Variants in GLCE observed in about 807,000 individuals in gnomAD.
GLCE encodes the protein glucuronic acid epimerase, also known as D-glucuronyl C5-epimerase.
A neutral mutation model predicts 47.9 loss-of-function variants in GLCE; 19 were observed. The observed-to-expected ratio is 0.40, with a 90% CI of 0.28 to 0.58. The LOEUF (loss-of-function observed/expected upper bound fraction) is 0.58. GLCE is among the 20% of genes least tolerant of loss of function. The pLI, the probability that GLCE is intolerant of heterozygous loss-of-function variation, is 0.48. For missense variants in GLCE, 556 were observed against 743.3 expected (o/e 0.75, Z 2.93); for synonymous variants, 245 against 263.4 (o/e 0.93, Z 0.68).
chr15:69,213,316 A>C (rs1004800956), intron 2 of GLCE, among the ~76,000 whole-genome samples: 1 of 152,038 alleles, frequency 6.6e-6, no homozygotes, highest in Non-Finnish European at 1.5e-5. Context: ...TATTACATTT[A>C]GTTGTGTTTT....
intron 2 of GLCE, among the ~76,000 whole-genome samples, chr15:69,253,261 C>T (rs887951311): frequency 1.3e-5 from 2 of 152,176 alleles, no homozygotes; most frequent in Non-Finnish European, 2.9e-5. Flanking sequence ...GTGCTGTGTT[C>T]GTGTAACAAA....
chr15:69,271,007 C>T lies in GLCE; in HGVS notation c.*1763C>T, dbSNP rs996808449. 1 of 152,374 alleles carries T rather than the reference C, an allele frequency of 6.6e-6. No homozygotes were observed. Among genetic ancestry groups the T allele is most frequent in the Non-Finnish European group, 1.5e-5 (1 of 68,014 alleles). 9.4% of individuals were successfully genotyped at this position (152,374 alleles called of 1,614,324 possible). On this transcript the variant is annotated 3_prime_UTR_variant, in exon 5 of 5. Transcript: ENST00000261858. ...AAATAAACTTTCTCCAGTCTGGGAA[C>T]CTTTTTTACTTCCCCATATTTGTTA...
At chr15:69,251,805 G>C (rs2052848420) in intron 2 of GLCE, among the ~76,000 whole-genome samples, 2 of 152,180 alleles carry the variant, frequency 1.3e-5, no homozygotes, top group Admixed American at 1.3e-4. Flanking sequence ...TAATAGGAAA[G>C]AGGACCTTTT....
intron 1 of GLCE, among the ~76,000 whole-genome samples, chr15:69,205,552 G>T (rs1343913644): frequency 1.3e-5 from 2 of 152,034 alleles, no homozygotes; most frequent in Non-Finnish European, 2.9e-5. Context: ...AATATTTATT[G>T]TCAAGAAATT....
intron 1 of GLCE, among the ~76,000 whole-genome samples, chr15:69,206,361 C>T (rs1202629977): frequency 3.3e-5 from 5 of 151,848 alleles, no homozygotes; most frequent in East Asian, 1.9e-4. Context: ...ACTGTAAAGT[C>T]GATATTTTTG....
intron 3 of GLCE, among the ~76,000 whole-genome samples, chr15:69,259,179 C>A (rs867236373): frequency 6.6e-6 from 1 of 152,138 alleles, no homozygotes; most frequent in South Asian, 2.1e-4. Context: ...GCCGTATTTT[C>A]ATGTTCTTTA....
intron 2 of GLCE, among the ~76,000 whole-genome samples, chr15:69,253,137 C>T (rs1226805401): frequency 6.6e-6 from 1 of 152,220 alleles, no homozygotes; most frequent in Non-Finnish European, 1.5e-5. Context: ...CTTCTCCCCT[C>T]CTCATACCTC....
At chr15:69,178,577 GTTTATT>G (rs2051706310) in intron 1 of GLCE, among the ~76,000 whole-genome samples, 1 of 152,028 alleles carries the variant, frequency 6.6e-6, no homozygotes, top group South Asian at 2.1e-4. Context: ...CTCTATGGAA[GTTTATT>G]TTTATTATTA....
In GLCE at chr15:69,244,372, A is replaced by T. The variant is rs2052718257; in HGVS notation, c.-13-11422A>T. Among the ~76,000 whole-genome samples, 3 of 152,214 alleles carry T rather than the reference A, an allele frequency of 2.0e-5. No homozygotes were observed. In the South Asian group the frequency reaches 6.2e-4, roughly 31 times the overall value. On this transcript the variant is annotated intron_variant, in intron 2 of 4. Coordinates refer to ENST00000261858, the MANE Select transcript of GLCE (RefSeq NM_015554.3). ...TAGCTTCATTCAGAAATGCTAATACATTTTTAGAACAACTAGATAACTTTT... is the reference window on the plus strand; with the variant it reads ...TAGCTTCATTCAGAAATGCTAATACTTTTTTAGAACAACTAGATAACTTTT...
At chr15:69,241,143 A>G (rs2052666424) in intron 2 of GLCE, among the ~76,000 whole-genome samples, 1 of 152,214 alleles carries the variant, frequency 6.6e-6, no homozygotes, top group South Asian at 2.1e-4. Flanking sequence ...AGTTGTTCAC[A>G]AGGAAAGAAA....
intron 2 of GLCE, among the ~76,000 whole-genome samples, chr15:69,217,571 A>G (rs1353104964): frequency 6.6e-6 from 1 of 152,126 alleles, no homozygotes; most frequent in East Asian, 1.9e-4. Flanking sequence ...ATGCTTTAGA[A>G]CCTGAAACAT....
intron 2 of GLCE, among the ~76,000 whole-genome samples, chr15:69,231,068 A>G (rs1017710422): frequency 2.6e-5 from 4 of 152,224 alleles, no homozygotes; most frequent in Non-Finnish European, 5.9e-5. Context: ...AAGACCATGA[A>G]AGTAAAGTTT....
At position 69,255,950 on chromosome 15, in the gene GLCE, A is replaced by G. The variant is rs1259542169; in HGVS notation, c.144A>G (p.Arg48=). ...QFPRRSSSGF[R]VDGFEKRAAA... ...CACGGCGTTCGAGTAGTGGCTTCAG[A>G]GTGGATGGGTTTGAAAAAAGAGCAG... The change falls in exon 3 of 5, where the codon AGA becomes AGG. Residue 48 remains arginine, a synonymous_variant. Transcript: ENST00000261858. 3.1e-6 allele frequency: 5 copies of G among 1,613,874 alleles called. No individual in the cohort carries two copies. The African/African-American group carries it at 4.0e-5, about 13-fold the overall frequency.
chr15:69,226,204 C>A (rs2052445307), intron 2 of GLCE, among the ~76,000 whole-genome samples: 1 of 152,274 alleles, frequency 6.6e-6, no homozygotes, highest in East Asian at 1.9e-4. Context: ...GTATTTGACA[C>A]AAATATTACT....
intron 2 of GLCE, among the ~76,000 whole-genome samples, chr15:69,216,690 G>A (rs906328410): frequency 6.6e-6 from 1 of 152,070 alleles, no homozygotes; most frequent in African/African-American, 2.4e-5. Flanking sequence ...CTGCTGTATA[G>A]TTCTTGCCCT....
Position 69,249,378 on chromosome 15 carries a change from G to A in GLCE, c.-13-6416G>A, listed in dbSNP as rs529719180. Among the ~76,000 whole-genome samples the A allele has an allele frequency of 2.0e-5, 3 of 151,924 alleles. No individual in the cohort carries two copies. The South Asian group carries it at 6.2e-4, about 32-fold the overall frequency. On this transcript the variant is annotated intron_variant, in intron 2 of 4. Transcript: ENST00000261858. Reference sequence around the variant, plus strand: ...TAGCATTATTATTTTTTCTGCCTGCGAATCTGTCCTTTAGAGACATGGATA... The same window carrying A: ...TAGCATTATTATTTTTTCTGCCTGCAAATCTGTCCTTTAGAGACATGGATA...
chr15:69,223,215 A>G (rs1157774035), intron 2 of GLCE, among the ~76,000 whole-genome samples: 1 of 152,148 alleles, frequency 6.6e-6, no homozygotes, highest in Non-Finnish European at 1.5e-5. Context: ...ATAGGTTTCC[A>G]TTGATCATTT....
Position 69,270,083 on chromosome 15 carries a change from G to C in GLCE, c.*839G>C, listed in dbSNP as rs2053144859. 1 of 152,474 alleles carries C rather than the reference G, an allele frequency of 6.6e-6. No individual in the cohort carries two copies. Among genetic ancestry groups the C allele is most frequent in the South Asian group, 2.1e-4 (1 of 4,820 alleles). The allele number at this position is 152,474 out of a possible 1,614,324, so 9.4% of individuals were successfully genotyped here. On this transcript the variant is annotated 3_prime_UTR_variant, in exon 5 of 5. Coordinates refer to ENST00000261858, the MANE Select transcript of GLCE (RefSeq NM_015554.3). ...TATACCTTGGAGTTTTGTATATTTT[G>C]AGAGAGATATTTTTGGGACATTATT...
At chr15:69,162,091 C>A (rs774300222) in intron 1 of GLCE, among the ~76,000 whole-genome samples, 52 of 152,176 alleles carry the variant, frequency 3.4e-4, no homozygotes, top group Non-Finnish European at 5.3e-4. Flanking sequence ...ACGTCAAATT[C>A]AGCCTCCAGA....
Sources: allele counts gnomAD v4.1 joint callset (sites outside exome capture counted in the v4.1 genomes callset), GRCh38; gene constraint gnomAD v4.1.1; transcripts MANE v1.5; gene names NCBI Gene and HGNC (gene_info 2026-07-23, HGNC 2026-07-21).